Variants in CTNNA3 observed in about 807,000 individuals in gnomAD.
CTNNA3 encodes catenin alpha 3.
Under a neutral mutation model 95.7 loss-of-function variants are expected in CTNNA3, and 76 were observed. The ratio of observed to expected loss-of-function variants is 0.79; its 90% CI spans 0.66 to 0.96. The LOEUF is 0.96. Among genes scored for constraint, CTNNA3 ranks in the 40% least tolerant of loss-of-function variants. The pLI is 0.00. For missense variants in CTNNA3, 1,191 were observed against 1,089.8 expected (o/e 1.09, Z -1.31); for synonymous variants, 431 against 374.4 (o/e 1.15, Z -1.74).
At chr10:66,427,051 A>G (rs932773733) in intron 11 of CTNNA3, among the ~76,000 whole-genome samples, 10 of 151,636 alleles carry the variant, frequency 6.6e-5, no homozygotes, top group African/African-American at 2.4e-4. Context: ...TCATTCTCTC[A>G]AAGGCCCTTT....
chr10:67,178,144 T>C (rs1460553460), intron 7 of CTNNA3, among the ~76,000 whole-genome samples: 1 of 152,142 alleles, frequency 6.6e-6, no homozygotes, highest in Non-Finnish European at 1.5e-5. Flanking sequence ...TCCCACCCAG[T>C]GATTACTGCC....
At chr10:67,221,138 T>C (rs1864632397) in intron 5 of CTNNA3, among the ~76,000 whole-genome samples, 1 of 152,160 alleles carries the variant, frequency 6.6e-6, no homozygotes, top group Non-Finnish European at 1.5e-5. Flanking sequence ...GAAATCCAAA[T>C]AACCATTATT....
chr10:66,523,615 G>A (rs2132028525), intron 10 of CTNNA3, among the ~76,000 whole-genome samples: 1 of 152,020 alleles, frequency 6.6e-6, no homozygotes, highest in South Asian at 2.1e-4. Flanking sequence ...GCTTTCTGAG[G>A]CATTTTGTTT....
chr10:66,327,574 C>T (rs1332097192), intron 12 of CTNNA3, among the ~76,000 whole-genome samples: 3 of 151,974 alleles, frequency 2.0e-5, no homozygotes, highest in Non-Finnish European at 4.4e-5. Flanking sequence ...CATTGTCGTT[C>T]AAATTTTGCA....
At chr10:65,972,419 A>C (rs2133275168) in intron 16 of CTNNA3, among the ~76,000 whole-genome samples, 1 of 152,230 alleles carries the variant, frequency 6.6e-6, no homozygotes, top group African/African-American at 2.4e-5. Flanking sequence ...TGTTGATATG[A>C]TTTTATACCC....
rs1312092619 is a variant in CTNNA3, at chr10:65,915,444, C to A, written c.*4886G>T. On this transcript the variant is annotated 3_prime_UTR_variant, in exon 18 of 18. Coordinates refer to ENST00000433211, the MANE Select transcript of CTNNA3 (RefSeq NM_013266.4). The stretch of plus-strand genomic sequence containing the variant: ...CTTCTGCAACTACCCCTCTCAGACC[C>A]TTCCCTACCTCTGGCACCTTCTTAT... 10 of 152,150 alleles carry A rather than the reference C, an allele frequency of 6.6e-5. No homozygotes were observed. The allele number at this position is 152,150 out of a possible 1,614,324, so 9.4% of individuals were successfully genotyped here.
intron 10 of CTNNA3, among the ~76,000 whole-genome samples, chr10:66,574,742 C>T (rs2132175011): frequency 6.6e-6 from 1 of 152,180 alleles, no homozygotes. Flanking sequence ...GTAAGTGTAA[C>T]AGTTTTTTTA....
At chr10:66,786,014 T>G (rs533249506) in intron 7 of CTNNA3, among the ~76,000 whole-genome samples, 2 of 152,262 alleles carry the variant, frequency 1.3e-5, no homozygotes, top group South Asian at 4.1e-4. Flanking sequence ...AGGTAGTTGC[T>G]GTAAGTTGGT....
At chr10:66,178,742 G>A (rs554519649) in intron 13 of CTNNA3, among the ~76,000 whole-genome samples, 17 of 151,500 alleles carry the variant, frequency 1.1e-4, no homozygotes, top group Admixed American at 2.0e-4. Context: ...GTTGGAAAAT[G>A]GATAAAATAC....
At chr10:66,579,193 A>C (rs1219201867) in intron 10 of CTNNA3, among the ~76,000 whole-genome samples, 1 of 151,522 alleles carries the variant, frequency 6.6e-6, no homozygotes, top group Admixed American at 6.6e-5. Flanking sequence ...CACGTTTTTC[A>C]TTTCTGATTG....
intron 5 of CTNNA3, among the ~76,000 whole-genome samples, chr10:67,274,731 G>A (rs1839124330): frequency 6.6e-6 from 1 of 152,046 alleles, no homozygotes; most frequent in African/African-American, 2.4e-5. Flanking sequence ...CAGAGGCTGA[G>A]ATAAGAGGAT....
chr10:67,342,398 G>A (rs1464062142), intron 5 of CTNNA3, among the ~76,000 whole-genome samples: 1 of 151,952 alleles, frequency 6.6e-6, no homozygotes, highest in Admixed American at 6.5e-5. Context: ...CACCGCACCC[G>A]GCCTGTTGGT....
intron 7 of CTNNA3, among the ~76,000 whole-genome samples, chr10:66,842,203 A>G (rs1159004077): frequency 1.3e-5 from 2 of 151,942 alleles, no homozygotes; most frequent in African/African-American, 4.8e-5. Context: ...TCAGCCTCCC[A>G]AAGTGCTGGG....
At chr10:67,028,365 C>T (rs1224411706) in intron 7 of CTNNA3, among the ~76,000 whole-genome samples, 1 of 151,748 alleles carries the variant, frequency 6.6e-6, no homozygotes, top group Non-Finnish European at 1.5e-5. Context: ...TTGGAGAGTA[C>T]CTATCATCCA....
intron 3 of CTNNA3, among the ~76,000 whole-genome samples, chr10:67,572,353 C>T (rs1589440200): frequency 1.3e-5 from 2 of 152,114 alleles, no homozygotes; most frequent in African/African-American, 4.8e-5. Flanking sequence ...GAGAGTGAAT[C>T]GCACCAGAAT....
chr10:66,409,329 G>A (rs74141497), intron 11 of CTNNA3, among the ~76,000 whole-genome samples: 1,560 of 152,016 alleles, frequency 0.01, 33 homozygotes, highest in African/African-American at 0.036. Context: ...TACTTAACAT[G>A]CCTTCTGAAT....
chr10:66,307,656 T>C (rs545973615), intron 12 of CTNNA3, among the ~76,000 whole-genome samples: 169 of 152,338 alleles, frequency 1.1e-3, no homozygotes, highest in African/African-American at 4.0e-3. Context: ...AAATGGTTGA[T>C]TCTCATTTGC....
intron 7 of CTNNA3, among the ~76,000 whole-genome samples, chr10:66,853,142 G>A (rs966425811): frequency 2.6e-5 from 4 of 152,032 alleles, no homozygotes; most frequent in African/African-American, 9.7e-5. Context: ...TATATGCAAC[G>A]CAAATTTTAT....
intron 13 of CTNNA3, among the ~76,000 whole-genome samples, chr10:66,136,902 A>G (rs2133866031): frequency 6.6e-6 from 1 of 152,120 alleles, no homozygotes; most frequent in East Asian, 1.9e-4. Context: ...GCTCACTGCA[A>G]CCTCCACCTC....
Sources: gnomAD v4.1 joint callset for allele counts (sites outside exome capture counted in the v4.1 genomes callset) on GRCh38, gnomAD v4.1.1 for gene constraint, MANE v1.5 for transcripts, NCBI Gene and HGNC (gene_info 2026-07-23, HGNC 2026-07-21) for gene names.